Variants in CAPN13 observed in about 807,000 individuals in gnomAD.
The protein encoded by CAPN13 is calpain-13.
Under a neutral mutation model 98.4 loss-of-function variants are expected in CAPN13, and 90 were observed. The ratio of observed to expected loss-of-function variants is 0.92; its 90% CI spans 0.77 to 1.09. The LOEUF is 1.09. Ranked by LOEUF, CAPN13 falls within the 50% of genes least tolerant of loss-of-function variation. The pLI is 0.00. For synonymous variants in CAPN13, 330 were observed against 305.5 expected (o/e 1.08, Z -0.84); for missense variants, 887 against 841.3 (o/e 1.05, Z -0.67).
intron 1 of CAPN13, among the ~76,000 whole-genome samples, chr2:30,794,183 T>C (rs1018386690): frequency 1.3e-5 from 2 of 150,930 alleles, no homozygotes; most frequent in Admixed American, 6.6e-5. Context: ...CCACAACATA[T>C]AAAGAACTCT....
chr2:30,799,730 G>C (rs538915829), intron 1 of CAPN13, among the ~76,000 whole-genome samples: 1 of 152,066 alleles, frequency 6.6e-6, no homozygotes, highest in South Asian at 2.1e-4. Flanking sequence ...GGCCAGGGAA[G>C]AGGCCATGAA....
At chr2:30,773,981 G>A (rs1041496940) in intron 4 of CAPN13, among the ~76,000 whole-genome samples, 2 of 151,818 alleles carry the variant, frequency 1.3e-5, no homozygotes, top group East Asian at 1.9e-4. Flanking sequence ...CCCAAATGCA[G>A]AGAGTTATGA....
At position 30,731,390 on chromosome 2, in the gene CAPN13, C is replaced by T. The variant is rs766688300; in HGVS notation, c.1937G>A (p.Arg646His). Residue 646 changes from arginine to histidine, a missense_variant, in exon 21 of 23, where the codon CGC becomes CAC. Coordinates refer to ENST00000295055, the MANE Select transcript of CAPN13 (RefSeq NM_144575.3). Reference sequence around the variant, plus strand: ...TCCTTTTCCATCCTTAGAGAGGTTGCGGAAGGTCTCTAGGATAAAGAAGGG... The same window carrying T: ...TCCTTTTCCATCCTTAGAGAGGTTGTGGAAGGTCTCTAGGATAAAGAAGGG... ...MRLEAMAKTF[R>H]NLSKDGKGLY... 3.2e-5 allele frequency: 52 copies of T among 1,609,288 alleles called. No homozygotes were observed. The highest frequency in any genetic ancestry group is 1.7e-4 in the Middle Eastern group (1 of 6,044).
intron 1 of CAPN13, among the ~76,000 whole-genome samples, chr2:30,800,160 G>GAAAGAA (rs1427335854): frequency 1.3e-5 from 2 of 150,944 alleles, no homozygotes; most frequent in Non-Finnish European, 3.0e-5. Flanking sequence ...AAGAAAGAAA[G>GAAAGAA]AAAGAAAGAA....
At chr2:30,728,637 A>AG (rs1326424398) in intron 22 of CAPN13, among the ~76,000 whole-genome samples, 2 of 152,200 alleles carry the variant, frequency 1.3e-5, no homozygotes, top group African/African-American at 4.8e-5. Context: ...GGTCCAGAGG[A>AG]GACAGGCTCC....
At chr2:30,751,764 G>C (rs1672185656) in intron 10 of CAPN13, among the ~76,000 whole-genome samples, 1 of 152,214 alleles carries the variant, frequency 6.6e-6, no homozygotes, top group African/African-American at 2.4e-5. Context: ...TCAAGATAGA[G>C]ATGAATTGAT....
chr2:30,756,208 C>G (rs904310334), intron 8 of CAPN13, among the ~76,000 whole-genome samples: 1 of 152,214 alleles, frequency 6.6e-6, no homozygotes, highest in Non-Finnish European at 1.5e-5. Flanking sequence ...CTTCCGGCAT[C>G]AGGCTGTCCT....
chr2:30,731,540 A>C lies in CAPN13; in HGVS notation c.1928-141T>G, dbSNP rs546793484. ...TCCTGCTCCGCGGGGTGTGCCTGTC[A>C]CCCATCCTTTTCTCTGTCTAGCCGA... On this transcript the variant is annotated intron_variant, in intron 20 of 22. Transcript: ENST00000295055. 6.2e-6 allele frequency: 4 copies of C among 649,620 alleles called. No homozygotes were observed. In the South Asian group the frequency reaches 9.4e-5, roughly 15 times the overall value. The allele number at this position is 649,620 out of a possible 1,614,324, so 40.2% of individuals were successfully genotyped here. A position where few individuals can be genotyped will look rare whatever the true frequency, so the allele number is the denominator to read the frequency against.
intron 1 of CAPN13, among the ~76,000 whole-genome samples, chr2:30,792,786 T>C (rs1198245818): frequency 6.6e-6 from 1 of 151,452 alleles, no homozygotes; most frequent in Non-Finnish European, 1.5e-5. Flanking sequence ...AGCAATATTC[T>C]CACGAATAGA....
chr2:30,745,173 C>T (rs1671844732), intron 12 of CAPN13: 1 of 471,836 alleles, frequency 2.1e-6, no homozygotes, highest in Non-Finnish European at 4.4e-6. Flanking sequence ...GTCTGAGTGC[C>T]TGTGAGGATA....
intron 22 of CAPN13, chr2:30,729,436 G>A (rs764551888): frequency 1.3e-5 from 2 of 152,226 alleles, no homozygotes; most frequent in Non-Finnish European, 2.9e-5. Flanking sequence ...AGAAAAGGTA[G>A]TAAGAGAGAA....
chr2:30,732,454 C>T lies in CAPN13; in HGVS notation c.1911G>A (p.Arg637=). The T allele has an allele frequency of 6.2e-7, 1 of 1,613,564 alleles. No individual in the cohort carries two copies. Among genetic ancestry groups the T allele is most frequent in the Admixed American group, 1.7e-5 (1 of 60,000 alleles). Residue 637 remains arginine (R), a synonymous_variant, in exon 20 of 23, where the codon CGG becomes CGA. Coordinates refer to ENST00000295055, the MANE Select transcript of CAPN13 (RefSeq NM_144575.3). ...SFPSLVCFLM[R]LEAMAKTFRN... ...GACACTTACTTGCCATGGCTTCAAG[C>T]CGCATCAGGAAGCAGACCAGGCTGG...
intron 1 of CAPN13, among the ~76,000 whole-genome samples, chr2:30,787,923 C>G (rs192827324): frequency 6.6e-6 from 1 of 152,098 alleles, no homozygotes; most frequent in Non-Finnish European, 1.5e-5. Flanking sequence ...TAGGAGCAAT[C>G]TGGGGACCAG....
intron 22 of CAPN13, among the ~76,000 whole-genome samples, chr2:30,727,455 A>G (rs902802833): frequency 2.0e-5 from 3 of 152,218 alleles, no homozygotes; most frequent in African/African-American, 7.2e-5. Flanking sequence ...GAACATCTAT[A>G]ACTCCTCTGT....
intron 1 of CAPN13, among the ~76,000 whole-genome samples, chr2:30,798,573 C>G (rs774516245): frequency 6.6e-6 from 1 of 152,176 alleles, no homozygotes; most frequent in Non-Finnish European, 1.5e-5. Context: ...ATTTTGTTTG[C>G]ATTTTGTTTT....
Position 30,745,759 on chromosome 2 carries a change from G to C in CAPN13, c.1237-25C>G, listed in dbSNP as rs1424135011. The C allele has an allele frequency of 1.9e-6, 3 of 1,593,010 alleles. No homozygotes were observed. The South Asian group carries it at 3.4e-5, about 18-fold the overall frequency. The stretch of plus-strand genomic sequence containing the variant: ...CCTGTTGGAAACAGGGAGAAAGGCA[G>C]ATTTAGGAACTCAGACGTAAACAAA... On this transcript the variant is annotated intron_variant, in intron 11 of 22. Coordinates refer to ENST00000295055, the MANE Select transcript of CAPN13 (RefSeq NM_144575.3).
rs539211501 is a variant in CAPN13 at position 30,796,144 on chromosome 2, G to A, written c.-32-8787C>T. Reference sequence around the variant, plus strand: ...AAGAGAATTACATATATATATGTGTGTATATATATATATACATATATATGT... The same window carrying A: ...AAGAGAATTACATATATATATGTGTATATATATATATATACATATATATGT... On this transcript the variant is annotated intron_variant, in intron 1 of 22. Transcript: ENST00000295055. Among the ~76,000 whole-genome samples, 67 of 138,012 alleles carry A rather than the reference G, an allele frequency of 4.9e-4. No homozygotes were observed. The Middle Eastern group carries it at 0.022, about 45-fold the overall frequency. 90.5% of individuals were successfully genotyped at this position (138,012 alleles called of 152,430 possible).
chr2:30,732,848 G>T (rs1380963681), intron 19 of CAPN13, among the ~76,000 whole-genome samples: 8 of 152,200 alleles, frequency 5.3e-5, no homozygotes, highest in African/African-American at 1.7e-4. Flanking sequence ...TGGGAGAGCT[G>T]CTGGGACACC....
intron 2 of CAPN13, among the ~76,000 whole-genome samples, chr2:30,783,899 G>A (rs1206261986): frequency 1.3e-5 from 2 of 152,276 alleles, no homozygotes; most frequent in Non-Finnish European, 2.9e-5. Context: ...CAGAACATGA[G>A]GCTGGGTGTG....
Sources: allele counts gnomAD v4.1 joint callset (sites outside exome capture counted in the v4.1 genomes callset), GRCh38; gene constraint gnomAD v4.1.1; transcripts MANE v1.5; gene names NCBI Gene and HGNC (gene_info 2026-07-23, HGNC 2026-07-21).